PIBF1: variants seen among roughly 807,000 people sequenced by gnomAD.
PIBF1 encodes the protein progesterone immunomodulatory binding factor 1, also known as progesterone-induced-blocking factor 1.
PIBF1 carries 90 observed loss-of-function variants against 112.5 expected under a neutral mutation model. That is an observed-to-expected ratio of 0.80 (90% CI 0.67 to 0.95). The LOEUF (loss-of-function observed/expected upper bound fraction) is 0.95. PIBF1 is among the 40% of genes least tolerant of loss of function. PIBF1 has a pLI of 0.00. For synonymous variants in PIBF1, 301 were observed against 288.6 expected (o/e 1.04, Z -0.44); for missense variants, 915 against 852.3 (o/e 1.07, Z -0.92).
intron 9 of PIBF1, among the ~76,000 whole-genome samples, chr13:72,847,245 T>G (rs2037917328): frequency 6.6e-6 from 1 of 152,244 alleles, no homozygotes; most frequent in African/African-American, 2.4e-5. Context: ...TTTTCATATC[T>G]AGAAACAAAC....
chr13:72,904,763 T>C (rs1223720211), intron 11 of PIBF1, among the ~76,000 whole-genome samples: 1 of 151,836 alleles, frequency 6.6e-6, no homozygotes, highest in Non-Finnish European at 1.5e-5. Context: ...TTTAATGGCA[T>C]TCATTTGATA....
chr13:72,892,613 T>C (rs949159053), intron 10 of PIBF1, among the ~76,000 whole-genome samples: 2 of 152,116 alleles, frequency 1.3e-5, no homozygotes, highest in East Asian at 1.9e-4. Context: ...AAGAAATTAT[T>C]TGACATCTCT....
chr13:72,980,558 G>T (rs1425855426), intron 16 of PIBF1, among the ~76,000 whole-genome samples: 12 of 152,178 alleles, frequency 7.9e-5, no homozygotes. Flanking sequence ...ACTTGAGGAG[G>T]CTGAGGCAGA....
At chr13:73,007,262 G>T (rs979540454) in intron 17 of PIBF1, among the ~76,000 whole-genome samples, 3 of 149,914 alleles carry the variant, frequency 2.0e-5, no homozygotes, top group Non-Finnish European at 4.4e-5. Context: ...TAAAAGAATG[G>T]AATTATCAAA....
intron 5 of PIBF1, among the ~76,000 whole-genome samples, chr13:72,809,809 G>A (rs768354441): frequency 2.6e-5 from 4 of 151,810 alleles, no homozygotes; most frequent in Admixed American, 6.6e-5. Context: ...GGCTGGTCTC[G>A]AACTCCTGAC....
intron 10 of PIBF1, among the ~76,000 whole-genome samples, chr13:72,871,327 A>G (rs762382222): frequency 6.6e-5 from 10 of 151,990 alleles, no homozygotes; most frequent in Non-Finnish European, 1.5e-4. Flanking sequence ...CTCTTTTGAG[A>G]TGGAGTCTTG....
At chr13:72,812,088 C>T (rs1176502859) in intron 5 of PIBF1, among the ~76,000 whole-genome samples, 1 of 152,122 alleles carries the variant, frequency 6.6e-6, no homozygotes, top group South Asian at 2.1e-4. Flanking sequence ...ATTTTGAACC[C>T]AGTGGCCAAA....
intron 16 of PIBF1, among the ~76,000 whole-genome samples, chr13:72,983,755 A>C (rs1278049520): frequency 6.6e-6 from 1 of 151,798 alleles, no homozygotes; most frequent in Admixed American, 6.6e-5. Flanking sequence ...TATGTGTGTC[A>C]CTCTTTCGGT....
intron 14 of PIBF1, among the ~76,000 whole-genome samples, chr13:72,949,273 G>A (rs538664790): frequency 7.8e-6 from 1 of 127,416 alleles, no homozygotes; most frequent in African/African-American, 2.9e-5. Context: ...AATTAAAAAT[G>A]TAACTACTAC....
intron 14 of PIBF1, among the ~76,000 whole-genome samples, chr13:72,958,082 C>G (rs940291882): frequency 6.6e-6 from 1 of 151,576 alleles, no homozygotes; most frequent in South Asian, 2.1e-4. Context: ...GAAATGCCAC[C>G]ACACTTCAGC....
intron 14 of PIBF1, among the ~76,000 whole-genome samples, chr13:72,938,953 C>T (rs957847128): frequency 4.6e-5 from 7 of 152,032 alleles, no homozygotes; most frequent in African/African-American, 1.7e-4. Flanking sequence ...TCTTATTGGC[C>T]ATTTATATAT....
intron 2 of PIBF1, among the ~76,000 whole-genome samples, chr13:72,790,933 C>A (rs563984871): frequency 8.5e-4 from 130 of 152,198 alleles, no homozygotes; most frequent in African/African-American, 3.0e-3. Flanking sequence ...ATCAAGGGAC[C>A]ATTTGCTTGA....
chr13:73,003,563 A>G (rs990330504), intron 17 of PIBF1, among the ~76,000 whole-genome samples: 2 of 151,296 alleles, frequency 1.3e-5, no homozygotes, highest in Non-Finnish European at 3.0e-5. Context: ...GCCTGGAAGG[A>G]AAATTAGTGT....
intron 10 of PIBF1, among the ~76,000 whole-genome samples, chr13:72,879,074 A>G (rs2039518772): frequency 6.6e-6 from 1 of 152,130 alleles, no homozygotes; most frequent in Non-Finnish European, 1.5e-5. Flanking sequence ...AATTTAGAGC[A>G]TTTACATACA....
chr13:72,951,285 C>G (rs1201844293), intron 14 of PIBF1, among the ~76,000 whole-genome samples: 2 of 152,072 alleles, frequency 1.3e-5, no homozygotes, highest in African/African-American at 4.8e-5. Context: ...GAAGCAGTAA[C>G]AAGTATTGCC....
intron 14 of PIBF1, among the ~76,000 whole-genome samples, chr13:72,935,611 A>C (rs1420182642): frequency 6.6e-6 from 1 of 152,216 alleles, no homozygotes; most frequent in Admixed American, 6.5e-5. Context: ...CATCTTAAGA[A>C]ACTGCTAAAC....
intron 17 of PIBF1, 66 bp from the exon 18 acceptor site, chr13:73,015,803 C>T (rs2044365976): frequency 2.2e-6 from 2 of 921,206 alleles, no homozygotes; most frequent in Admixed American, 2.5e-5. Context: ...ATATAGTTCT[C>T]TGAGTTGCCT....
At chr13:72,804,127 C>T (rs536603340) in intron 5 of PIBF1, among the ~76,000 whole-genome samples, 5 of 152,136 alleles carry the variant, frequency 3.3e-5, no homozygotes, top group East Asian at 1.9e-4. Context: ...AAGAAAATTT[C>T]GACTTTTCCA....
chr13:72,920,344 T>G (rs1349606405), intron 13 of PIBF1, among the ~76,000 whole-genome samples: 1 of 152,200 alleles, frequency 6.6e-6, no homozygotes, highest in Non-Finnish European at 1.5e-5. Flanking sequence ...TCATCTAAGC[T>G]GAATGACGGG....
Sources: gnomAD v4.1 joint callset for allele counts (sites outside exome capture counted in the v4.1 genomes callset) on GRCh38, gnomAD v4.1.1 for gene constraint, MANE v1.5 for transcripts, NCBI Gene and HGNC (gene_info 2026-07-23, HGNC 2026-07-21) for gene names.